The following ARMC8 variants were observed in gnomAD, a reference collection of about 807,000 sequenced individuals.
ARMC8 encodes the protein armadillo repeat containing 8, also known as armadillo repeat-containing protein 8.
ARMC8 carries 20 observed loss-of-function variants against 99.3 expected under a neutral mutation model. That is an observed-to-expected ratio of 0.20 (90% CI 0.14 to 0.29). ARMC8 has a LOEUF of 0.29. Ranked by LOEUF, ARMC8 falls within the 10% of genes least tolerant of loss-of-function variation. The pLI is 1.00. For synonymous variants in ARMC8, 263 were observed against 278.3 expected, an observed-to-expected ratio of 0.95 and a Z score of 0.55; for missense variants, 569 against 809.5, an observed-to-expected ratio of 0.70 and a Z score of 3.60.
At chr3:138,194,341 CTT>C (rs34445278) in intron 1 of ARMC8, among the ~76,000 whole-genome samples, 13 of 126,570 alleles carry the variant, frequency 1.0e-4, no homozygotes, top group Non-Finnish European at 8.4e-5. Context: ...CTGCGCCCAG[CTT>C]TTTTTTTTTT....
rs535607994 is a variant in ARMC8, at chr3:138,276,220, A to G, written c.1725+1676A>G. 4.2e-4 allele frequency among the ~76,000 whole-genome samples: 64 copies of G among 152,352 alleles called. 1 individual carries two copies. Among genetic ancestry groups the G allele is most frequent in the Admixed American group, 1.3e-3 (20 of 15,304 alleles). ...AGGCTAAACAGTCGGCTCACTAGCT[A>G]GAAGTTTAATGCTTCTCAAAAGCAC... On this transcript the variant is annotated intron_variant, in intron 18 of 21. Transcript: ENST00000469044.
At chr3:138,199,660 A>T (rs2043938243) in intron 1 of ARMC8, among the ~76,000 whole-genome samples, 1 of 152,230 alleles carries the variant, frequency 6.6e-6, no homozygotes, top group Admixed American at 6.5e-5. Context: ...ATTTCATGAG[A>T]ACACAACCAG....
chr3:138,246,804 T>TTC (rs2046901887), intron 12 of ARMC8: 1 of 980,252 alleles, frequency 1.0e-6, no homozygotes, highest in East Asian at 1.1e-4. Flanking sequence ...GTATTCATAA[T>TTC]GTGTATAATT....
At chr3:138,234,402 G>A (rs1170777470) in intron 6 of ARMC8, among the ~76,000 whole-genome samples, 3 of 152,150 alleles carry the variant, frequency 2.0e-5, no homozygotes, top group Non-Finnish European at 4.4e-5. Flanking sequence ...GAGCCACTGC[G>A]CCTGGCTGAA....
intron 1 of ARMC8, among the ~76,000 whole-genome samples, chr3:138,209,119 C>A (rs1228342435): frequency 6.6e-6 from 1 of 152,232 alleles, no homozygotes; most frequent in African/African-American, 2.4e-5. Flanking sequence ...CTCACTCTTC[C>A]CTGGCTGAGA....
intron 1 of ARMC8, among the ~76,000 whole-genome samples, chr3:138,199,905 C>T (rs2043952172): frequency 6.6e-6 from 1 of 152,070 alleles, no homozygotes; most frequent in East Asian, 1.9e-4. Flanking sequence ...ATTTTTTGAA[C>T]TGAGGGTTTT....
chr3:138,210,254 T>G (rs1392143989), intron 2 of ARMC8, among the ~76,000 whole-genome samples: 1 of 152,210 alleles, frequency 6.6e-6, no homozygotes, highest in Non-Finnish European at 1.5e-5. Flanking sequence ...TTTTTTGTTT[T>G]GCTTTGTTTT....
chr3:138,208,836 T>G (rs1320604729), intron 1 of ARMC8, among the ~76,000 whole-genome samples: 2 of 152,180 alleles, frequency 1.3e-5, no homozygotes, highest in East Asian at 3.9e-4. Context: ...TTACAAGAAA[T>G]AACACAATAG....
chr3:138,240,479 T>C (rs1192663406), intron 10 of ARMC8, among the ~76,000 whole-genome samples: 2 of 152,216 alleles, frequency 1.3e-5, no homozygotes, highest in East Asian at 1.9e-4. Flanking sequence ...TTTTTCTGCA[T>C]TGGTAAAATG....
In ARMC8 at chr3:138,297,902, A is replaced by ACAATCTTGAACC. The variant is rs1212011756; in HGVS notation, c.*2014_*2025dup. On this transcript the variant is annotated 3_prime_UTR_variant, in exon 22 of 22. Transcript: ENST00000469044. ...AAGAAACCAATAATGAATTGCTGAG[A>ACAATCTTGAACC]CAATCTTGAACCCAAATAGCATTAG... 6.6e-6 allele frequency: 1 copy of ACAATCTTGAACC among 152,364 alleles called. No individual in the cohort carries two copies. The highest frequency in any genetic ancestry group is 2.4e-5 in the African/African-American group (1 of 41,580). 9.4% of individuals were successfully genotyped at this position (152,364 alleles called of 1,614,324 possible). A position where few individuals can be genotyped will look rare whatever the true frequency, so the allele number is the denominator to read the frequency against.
At chr3:138,278,379 C>T (rs1008842963) in intron 18 of ARMC8, among the ~76,000 whole-genome samples, 3 of 152,008 alleles carry the variant, frequency 2.0e-5, no homozygotes, top group African/African-American at 7.2e-5. Flanking sequence ...GGTCACGCAC[C>T]TGTAGTCCCA....
chr3:138,246,221 C>A, intron 12 of ARMC8: 2 of 985,640 alleles, frequency 2.0e-6, no homozygotes, highest in Non-Finnish European at 1.2e-6. Flanking sequence ...GTGTGAGTAG[C>A]TTTGATTTAA....
rs980656675 is a variant in ARMC8 at position 138,297,833 on chromosome 3, C to A, written c.*1941C>A. 1 of 152,126 alleles carries A rather than the reference C, an allele frequency of 6.6e-6. No homozygotes were observed. Among genetic ancestry groups the A allele is most frequent in the Non-Finnish European group, 1.5e-5 (1 of 68,024 alleles). 9.4% of individuals were successfully genotyped at this position (152,126 alleles called of 1,614,324 possible). On this transcript the variant is annotated 3_prime_UTR_variant, in exon 22 of 22. Transcript: ENST00000469044. ...ATATCCTTGGTTGGCATTTTTAACACAAAACACTATAGTGTTGGTATTAAA... is the reference window on the plus strand; with the variant it reads ...ATATCCTTGGTTGGCATTTTTAACAAAAAACACTATAGTGTTGGTATTAAA...
intron 12 of ARMC8, among the ~76,000 whole-genome samples, chr3:138,252,520 C>A (rs1467097881): frequency 1.4e-5 from 2 of 146,850 alleles, no homozygotes; most frequent in Non-Finnish European, 3.0e-5. Context: ...GTGGCACGAT[C>A]TCGGCTCACT....
chr3:138,283,838 C>T (rs1312831002), intron 18 of ARMC8, among the ~76,000 whole-genome samples: 1 of 152,166 alleles, frequency 6.6e-6, no homozygotes. Context: ...GACTAAGTTG[C>T]TTCATACATT....
rs938717685 is a variant in ARMC8, at chr3:138,297,579, A to T, written c.*1687A>T. On this transcript the variant is annotated 3_prime_UTR_variant, in exon 22 of 22. Transcript: ENST00000469044. Reference sequence around the variant, plus strand: ...ATGTTTGGTTGCAAATGAATGTTTTAAAAATGTATTTAATGCAATTTTTCC... The same window carrying T: ...ATGTTTGGTTGCAAATGAATGTTTTTAAAATGTATTTAATGCAATTTTTCC... 2 of 152,238 alleles carry T rather than the reference A, an allele frequency of 1.3e-5. No individual in the cohort carries two copies. The highest frequency in any genetic ancestry group is 2.9e-5 in the Non-Finnish European group (2 of 68,044). The allele number at this position is 152,238 out of a possible 1,614,324, so 9.4% of individuals were successfully genotyped here. A position where few individuals can be genotyped will look rare whatever the true frequency, so the allele number is the denominator to read the frequency against.
intron 2 of ARMC8, among the ~76,000 whole-genome samples, chr3:138,221,229 G>A (rs150378126): frequency 3.7e-4 from 57 of 152,122 alleles, no homozygotes; most frequent in African/African-American, 1.3e-3. Flanking sequence ...TTTTTAAATC[G>A]CCTTAAGAGA....
chr3:138,293,344 A>G lies in ARMC8; in HGVS notation c.1989-2515A>G, dbSNP rs185064192. Among the ~76,000 whole-genome samples the G allele has an allele frequency of 9.8e-5, 15 of 152,322 alleles. No homozygotes were observed. In the East Asian group the frequency reaches 1.7e-3, roughly 18 times the overall value. On this transcript the variant is annotated intron_variant, in intron 21 of 21. Coordinates refer to ENST00000469044, the MANE Select transcript of ARMC8 (RefSeq NM_001363941.2). ...ATTATGAGGTCAGGAGTTCGAGACC[A>G]GCCTGGCCAACATAGTGAAACCCCG... is the stretch of plus-strand genomic sequence containing the variant.
chr3:138,213,667 A>G (rs17282669), intron 2 of ARMC8, among the ~76,000 whole-genome samples: 46,719 of 152,060 alleles, frequency 0.31, 9,162 homozygotes, highest in East Asian at 0.73. Flanking sequence ...GTGACTTAAA[A>G]CATTGCAGGA....
Sources: gnomAD v4.1 joint callset for allele counts (sites outside exome capture counted in the v4.1 genomes callset) on GRCh38, gnomAD v4.1.1 for gene constraint, MANE v1.5 for transcripts, NCBI Gene and HGNC (gene_info 2026-07-23, HGNC 2026-07-21) for gene names.